Variants in VIPR1 observed in about 807,000 individuals in gnomAD.
The protein encoded by VIPR1 is vasoactive intestinal polypeptide receptor 1.
VIPR1 carries 59 observed loss-of-function variants against 58.8 expected under a neutral mutation model. That is an observed-to-expected ratio of 1.00 (90% CI 0.81 to 1.25). The LOEUF (loss-of-function observed/expected upper bound fraction) is 1.25. Among genes scored for constraint, VIPR1 ranks in the 50% most tolerant of loss-of-function variants. The probability of loss-of-function intolerance (pLI) is 0.00; values close to 1 mark genes in which losing one functional copy is unlikely to be tolerated. For missense variants in VIPR1, 626 were observed against 602.7 expected (o/e 1.04, Z -0.40); for synonymous variants, 251 against 242.1 (o/e 1.04, Z -0.34).
chr3:42,530,783 G>C lies in VIPR1; in HGVS notation c.641G>C (p.Gly214Ala). Residue 214 changes from glycine to alanine, a missense_variant, in exon 7 of 13, where the codon GGC (glycine) becomes GCC (alanine). Gly to Ala is a moderately conservative substitution (Grantham distance 60). Transcript: ENST00000325123. ...TCTTTTCTCCTCCCCCTGCAGGTGG[G>C]CTGTAAGGCAGCCATGGTCTTTTTC... ...ESDQCSEGSV[G>A]CKAAMVFFQY... is the part of the protein sequence containing the mutation. 1 of 1,613,974 alleles carries C rather than the reference G, an allele frequency of 6.2e-7. No individual in the cohort carries two copies. Among genetic ancestry groups the C allele is most frequent in the African/African-American group, 1.3e-5 (1 of 75,032 alleles).
chr3:42,515,357 G>A (rs1423763309), intron 2 of VIPR1, among the ~76,000 whole-genome samples: 1 of 152,178 alleles, frequency 6.6e-6, no homozygotes, highest in Non-Finnish European at 1.5e-5. Flanking sequence ...CTGAGGCATG[G>A]GTCACGGGGT....
At chr3:42,513,024 GCTT>G (rs1700437278) in intron 1 of VIPR1, 11 of 947,410 alleles carry the variant, frequency 1.2e-5, no homozygotes, top group Non-Finnish European at 1.4e-5. Flanking sequence ...AAGAGGAGAA[GCTT>G]GGACTTTTCC....
intron 6 of VIPR1, chr3:42,529,974 C>G (rs1701448833): frequency 1.3e-5 from 2 of 152,340 alleles, no homozygotes; most frequent in Admixed American, 6.5e-5. Context: ...CTACTTCCCC[C>G]TCTTCCACCC....
At chr3:42,498,052 C>G (rs575271372), upstream of VIPR1, among the ~76,000 whole-genome samples, 1 of 152,342 alleles carries the variant, frequency 6.6e-6, no homozygotes, top group African/African-American at 2.4e-5. Context: ...AGGGTAGGAC[C>G]TAGGTCCCCT....
At chr3:42,513,420 T>C (rs920442029) in intron 1 of VIPR1, 15 of 265,832 alleles carry the variant, frequency 5.6e-5, no homozygotes, top group Non-Finnish European at 9.5e-5. Context: ...AGTGGCAGAG[T>C]CCAGAGGGCC....
At chr3:42,524,122 C>T (rs1701105264) in intron 3 of VIPR1, among the ~76,000 whole-genome samples, 1 of 152,216 alleles carries the variant, frequency 6.6e-6, no homozygotes, top group Admixed American at 6.5e-5. Context: ...GCCCTTAACC[C>T]TGTTTTCTAC....
intron 1 of VIPR1, chr3:42,513,395 C>G: frequency 4.5e-6 from 1 of 223,432 alleles, no homozygotes; most frequent in Non-Finnish European, 9.0e-6. Context: ...GACAGACTCT[C>G]AAACCAAGCT....
chr3:42,509,498 C>T (rs770216609), intron 1 of VIPR1: 27 of 152,302 alleles, frequency 1.8e-4, no homozygotes, highest in Non-Finnish European at 2.9e-4. Context: ...CAGAGAACCC[C>T]ACATGGACAG....
intron 2 of VIPR1, chr3:42,516,535 C>T (rs1700635663): frequency 6.6e-6 from 1 of 152,282 alleles, no homozygotes; most frequent in South Asian, 2.1e-4. Context: ...TCTCTTCTGT[C>T]CCACTGCAGT....
chr3:42,502,957 C>T, intron 1 of VIPR1, 144 bp downstream of exon 1: 1 of 600,708 alleles, frequency 1.7e-6, no homozygotes, highest in South Asian at 8.6e-5. Context: ...GACTCGCCTC[C>T]TCCCACCGCT....
intron 1 of VIPR1, among the ~76,000 whole-genome samples, chr3:42,490,200 G>T (rs549411507): frequency 6.6e-6 from 1 of 152,262 alleles, no homozygotes; most frequent in South Asian, 2.1e-4. Context: ...TACCCCCAAA[G>T]AAGGGGTTAA....
chr3:42,507,985 C>CGGG (rs1284880809), intron 1 of VIPR1: 3 of 121,042 alleles, frequency 2.5e-5, no homozygotes, highest in African/African-American at 9.8e-5. Flanking sequence ...GAATTTGCAG[C>CGGG]GGGGAGGCTT....
chr3:42,526,347 C>T (rs1701233834), intron 4 of VIPR1, among the ~76,000 whole-genome samples: 1 of 152,200 alleles, frequency 6.6e-6, no homozygotes, highest in South Asian at 2.1e-4. Context: ...AACCGAGTTG[C>T]TGCAGGTCCT....
intron 3 of VIPR1, among the ~76,000 whole-genome samples, chr3:42,519,733 A>G (rs1182280312): frequency 6.6e-6 from 1 of 152,212 alleles, no homozygotes; most frequent in Admixed American, 6.5e-5. Flanking sequence ...CACTTAAATG[A>G]ATGTCCACAG....
rs1175632047 is a variant in VIPR1 at position 42,537,237 on chromosome 3, A to G, written c.*956A>G. 2 of 152,214 alleles carry G rather than the reference A, an allele frequency of 1.3e-5. No homozygotes were observed. The highest frequency in any genetic ancestry group is 4.8e-5 in the African/African-American group (2 of 41,450). 9.4% of individuals were successfully genotyped at this position (152,214 alleles called of 1,614,324 possible). A position where few individuals can be genotyped will look rare whatever the true frequency, so the allele number is the denominator to read the frequency against. ...TACCTCACCCTGCTACACATACAGG[A>G]TTTGAACTCAGATCTGTCTGATAGG... On this transcript the variant is annotated 3_prime_UTR_variant, in exon 13 of 13. Coordinates refer to ENST00000325123, the MANE Select transcript of VIPR1 (RefSeq NM_004624.4).
chr3:42,510,578 G>A (rs1559482382), intron 1 of VIPR1, among the ~76,000 whole-genome samples: 5 of 152,170 alleles, frequency 3.3e-5, no homozygotes, highest in Non-Finnish European at 4.4e-5. Flanking sequence ...AGGCTGTGTT[G>A]AAGGATTGAT....
chr3:42,536,377 C>A lies in VIPR1; in HGVS notation c.*96C>A. The A allele has an allele frequency of 3.0e-6, 4 of 1,347,896 alleles. No individual in the cohort carries two copies. The highest frequency in any genetic ancestry group is 3.9e-6 in the Non-Finnish European group (4 of 1,028,992). The allele number at this position is 1,347,896 out of a possible 1,614,324, so 83.5% of individuals were successfully genotyped here. On this transcript the variant is annotated 3_prime_UTR_variant, in exon 13 of 13. Coordinates refer to ENST00000325123, the MANE Select transcript of VIPR1 (RefSeq NM_004624.4). Reference sequence around the variant, plus strand: ...CAGAGGCCTGCCCGGGCGCGGCCAGCCCCGGCCCTGGGCTCGGAGGCTGCC... The same window carrying A: ...CAGAGGCCTGCCCGGGCGCGGCCAGACCCGGCCCTGGGCTCGGAGGCTGCC...
chr3:42,490,504 C>T (rs1306921901), intron 1 of VIPR1, among the ~76,000 whole-genome samples: 1 of 152,208 alleles, frequency 6.6e-6, no homozygotes, highest in Non-Finnish European at 1.5e-5. Flanking sequence ...CAAACAGAGG[C>T]ATGAGCTGGT....
chr3:42,534,965 CT>C lies in VIPR1; in HGVS notation c.1011-9del, dbSNP rs1313439761. The C allele has an allele frequency of 1.9e-6, 3 of 1,613,946 alleles. No individual in the cohort carries two copies. The African/African-American group carries it at 4.0e-5, about 22-fold the overall frequency. ...CACATACCCATGGCCTGTCCCTCCC[CT>C]GTCTCCAGAAGGCTAGCCAGGTCCA... On this transcript the variant is annotated splice_polypyrimidine_tract_variant and intron_variant, in intron 10 of 12. Coordinates refer to ENST00000325123, the MANE Select transcript of VIPR1 (RefSeq NM_004624.4).
Sources: gnomAD v4.1 joint callset for allele counts (sites outside exome capture counted in the v4.1 genomes callset) on GRCh38, gnomAD v4.1.1 for gene constraint, MANE v1.5 for transcripts, NCBI Gene and HGNC (gene_info 2026-07-23, HGNC 2026-07-21) for gene names.